Variants in SIN3B observed in about 807,000 individuals in gnomAD.
SIN3B encodes SIN3 transcription regulator family member B, also known as paired amphipathic helix protein Sin3b.
In SIN3B, 19 loss-of-function variants were observed where a neutral mutation model predicts 120.2. The ratio of observed to expected loss-of-function variants is 0.16; its 90% CI spans 0.11 to 0.23. The LOEUF (loss-of-function observed/expected upper bound fraction) is 0.23, where lower values mean the gene tolerates loss of function less well. SIN3B is among the 10% of genes least tolerant of loss of function. The pLI is 1.00. For missense variants in SIN3B, 1,073 were observed against 1,573.0 expected (o/e 0.68, Z 5.38); for synonymous variants, 654 against 653.2 (o/e 1.00, Z -0.02).
chr19:16,877,681 G>A, intron 17 of SIN3B, 42 bp downstream of exon 17: 1 of 1,392,130 alleles, frequency 7.2e-7, no homozygotes, highest in African/African-American at 1.4e-5. Context: ...TTCCTTCCTG[G>A]GCCCAGGGAG....
rs767882767 is a variant in SIN3B at position 16,847,050 on chromosome 19, C to T, written c.663C>T (p.Phe221=). 1.9e-6 allele frequency: 3 copies of T among 1,614,058 alleles called. No individual in the cohort carries two copies. The African/African-American group carries it at 4.0e-5, about 22-fold the overall frequency. Residue 221 remains phenylalanine (F), a synonymous_variant, in exon 5 of 19, where the codon TTC becomes TTT. Transcript: ENST00000248054. ...EEVFTEVANL[F]RGQEDLLSEF... ...TGTTCACCGAGGTGGCCAACCTCTT[C>T]CGGGGCCAGGAGGACCTGCTCTCAG...
intron 10 of SIN3B, among the ~76,000 whole-genome samples, chr19:16,864,782 G>A (rs12972762): frequency 6.6e-6 from 1 of 151,092 alleles, no homozygotes; most frequent in Non-Finnish European, 1.5e-5. Context: ...CTTGAGGCCA[G>A]GAGTTCAAGA....
rs944128563 is a variant in SIN3B at position 16,829,420 on chromosome 19, C to T, written c.-1C>T. 1 of 1,205,354 alleles carries T rather than the reference C, an allele frequency of 8.3e-7. No individual in the cohort carries two copies. The highest frequency in any genetic ancestry group is 4.2e-5 in the South Asian group (1 of 24,072). 74.7% of individuals were successfully genotyped at this position (1,205,354 alleles called of 1,614,324 possible). ...GGCGGGGCGCAGCTCCGACTTCGGACATGGCGCACGCTGGCGGTGGCAGCG... is the reference window on the plus strand; with the variant it reads ...GGCGGGGCGCAGCTCCGACTTCGGATATGGCGCACGCTGGCGGTGGCAGCG... On this transcript the variant is annotated 5_prime_UTR_variant, in exon 1 of 19. Transcript: ENST00000248054.
intron 5 of SIN3B, among the ~76,000 whole-genome samples, chr19:16,850,912 G>C (rs149953122): frequency 2.6e-5 from 4 of 152,310 alleles, no homozygotes; most frequent in Non-Finnish European, 4.4e-5. Flanking sequence ...AGCAAGTGAC[G>C]ACATCATCCC....
At chr19:16,848,215 T>G (rs569589561) in intron 5 of SIN3B, among the ~76,000 whole-genome samples, 1 of 152,338 alleles carries the variant, frequency 6.6e-6, no homozygotes, top group South Asian at 2.1e-4. Context: ...CATCAACATT[T>G]ATTGCACGGA....
intron 12 of SIN3B, among the ~76,000 whole-genome samples, chr19:16,867,643 C>T (rs1251746903): frequency 6.6e-6 from 1 of 152,204 alleles, no homozygotes; most frequent in Non-Finnish European, 1.5e-5. Context: ...TGTTGCCTCA[C>T]CTGATTTGGT....
At position 16,865,670 on chromosome 19, in the gene SIN3B, T is replaced by TC; in HGVS notation, c.1622+25dup. On this transcript the variant is annotated intron_variant, in intron 11 of 18. Transcript: ENST00000248054. ...AAAGGTGCCCTGTGGCGTCCCGACT[T>TC]CCCTTCCCCTTCCCCTTCCCCCTTC... 5 of 1,503,742 alleles carry TC rather than the reference T, an allele frequency of 3.3e-6. No homozygotes were observed. The African/African-American group carries it at 4.1e-5, about 12-fold the overall frequency. 93.1% of individuals were successfully genotyped at this position (1,503,742 alleles called of 1,614,324 possible). A position where few individuals can be genotyped will look rare whatever the true frequency, so the allele number is the denominator to read the frequency against.
In SIN3B at chr19:16,876,829, G is replaced by A. The variant is rs1424926019; in HGVS notation, c.2859+251G>A. ...CAAGCGGTTGTGTCCCAGGGCAGGA[G>A]GGGAACCAAGCCACCTCTCCCTGGC... On this transcript the variant is annotated intron_variant, in intron 16 of 18. Transcript: ENST00000248054. This position sits in a 1 kb window ranked among gnomAD's most constrained non-coding sequence, Gnocchi z 7.1. 2 of 439,590 alleles carry A rather than the reference G, an allele frequency of 4.5e-6. No individual in the cohort carries two copies. Among genetic ancestry groups the A allele is most frequent in the African/African-American group, 2.0e-5 (1 of 49,276 alleles). 27.2% of individuals were successfully genotyped at this position (439,590 alleles called of 1,614,324 possible).
chr19:16,857,517 A>ATGTG (rs72233219), intron 8 of SIN3B, among the ~76,000 whole-genome samples: 3,261 of 93,436 alleles, frequency 0.035, 56 homozygotes, highest in South Asian at 0.089. Context: ...TAAAAAAAAT[A>ATGTG]TGTGTGTGTG....
intron 8 of SIN3B, among the ~76,000 whole-genome samples, chr19:16,859,501 C>T (rs893565431): frequency 2.0e-5 from 3 of 152,216 alleles, no homozygotes; most frequent in African/African-American, 7.2e-5. Context: ...CCTGAGTCTG[C>T]GACCCTCATG....
chr19:16,870,523 T>C lies in SIN3B; in HGVS notation c.2422+448T>C, dbSNP rs187112443. 5.3e-5 allele frequency among the ~76,000 whole-genome samples: 8 copies of C among 152,282 alleles called. No homozygotes were observed. In the East Asian group the frequency reaches 1.5e-3, roughly 29 times the overall value. On this transcript the variant is annotated intron_variant, in intron 13 of 18. Coordinates refer to ENST00000248054, the MANE Select transcript of SIN3B (RefSeq NM_001297595.2). Reference sequence around the variant, plus strand: ...CCTTAGCCTCCCAAGTAGCTGGGATTACAGGCGCTCACCACCATGCCTGGC... The same window carrying C: ...CCTTAGCCTCCCAAGTAGCTGGGATCACAGGCGCTCACCACCATGCCTGGC...
intron 6 of SIN3B, among the ~76,000 whole-genome samples, chr19:16,852,111 C>T (rs534406986): frequency 1.3e-5 from 2 of 152,218 alleles, no homozygotes; most frequent in South Asian, 4.1e-4. Flanking sequence ...CAGCGGGGTC[C>T]CTTTGGCTCT....
At position 16,869,573 on chromosome 19, in the gene SIN3B, C is replaced by T. The variant is rs765400539; in HGVS notation, c.1920C>T (p.Tyr640=). 1.6e-5 allele frequency: 26 copies of T among 1,613,672 alleles called. No homozygotes were observed. Among genetic ancestry groups the T allele is most frequent in the South Asian group, 1.3e-4 (12 of 91,092 alleles). ...LEDAAALISY[Y]VKRQPAIQKE... Reference sequence around the variant, plus strand: ...ACGCAGCAGCGCTCATCAGCTACTACGTGAAGCGGCAGCCGGCCATCCAGA... The same window carrying T: ...ACGCAGCAGCGCTCATCAGCTACTATGTGAAGCGGCAGCCGGCCATCCAGA... The change falls in exon 13 of 19, where the codon TAC becomes TAT. Residue 640 remains tyrosine (Y), a synonymous_variant. Transcript: ENST00000248054.
intron 14 of SIN3B, 140 bp from the exon 15 acceptor site, chr19:16,875,915 C>A: frequency 4.8e-6 from 5 of 1,051,718 alleles, no homozygotes; most frequent in Non-Finnish European, 6.7e-6. Context: ...CACAGCCTGT[C>A]AGGATTCTGG....
At chr19:16,843,869 G>A (rs1971449260) in intron 4 of SIN3B, among the ~76,000 whole-genome samples, 1 of 151,732 alleles carries the variant, frequency 6.6e-6, no homozygotes, top group African/African-American at 2.4e-5. Context: ...TTATTTTTTT[G>A]AGACTGGGTC....
At chr19:16,846,847 C>T (rs780087345) in intron 4 of SIN3B, 123 bp from the exon 5 acceptor site, 100 of 1,042,766 alleles carry the variant, frequency 9.6e-5, no homozygotes, top group Non-Finnish European at 4.5e-5. Context: ...CAGGACCCTG[C>T]GGGCAGGTGC....
chr19:16,841,135 T>A (rs1971411878), intron 3 of SIN3B, among the ~76,000 whole-genome samples: 1 of 152,102 alleles, frequency 6.6e-6, no homozygotes, highest in Non-Finnish European at 1.5e-5. Flanking sequence ...AGCTTCTTTC[T>A]ATTTTTGCTC....
Position 16,869,631 on chromosome 19 carries a change from C to T in SIN3B, c.1978C>T (p.His660Tyr), listed in dbSNP as rs1174020181. 1.2e-6 allele frequency: 2 copies of T among 1,613,614 alleles called. No individual in the cohort carries two copies. Among genetic ancestry groups the T allele is most frequent in the Non-Finnish European group, 1.7e-6 (2 of 1,180,028 alleles). The change falls in exon 13 of 19, where the codon CAC becomes TAC. Residue 660 changes from histidine to tyrosine, a missense_variant. Coordinates refer to ENST00000248054, the MANE Select transcript of SIN3B (RefSeq NM_001297595.2). ...EDQGTIHQLL[H>Y]QFVPSLFFSQ... ...CCAGGGCACCATCCACCAGCTGCTGCACCAGTTCGTGCCCAGCCTCTTCTT... is the reference window on the plus strand; with the variant it reads ...CCAGGGCACCATCCACCAGCTGCTGTACCAGTTCGTGCCCAGCCTCTTCTT...
chr19:16,877,190 GTC>G (rs2051619536), intron 16 of SIN3B: 1 of 293,192 alleles, frequency 3.4e-6, no homozygotes, highest in East Asian at 7.8e-5. Context: ...AACAACAGAA[GTC>G]TATTCCCTCA....
Sources: gnomAD v4.1 joint callset for allele counts (sites outside exome capture counted in the v4.1 genomes callset) on GRCh38, gnomAD v4.1.1 for gene constraint, Gnocchi (gnomAD v3.1) non-coding constraint, MANE v1.5 for transcripts, NCBI Gene and HGNC (gene_info 2026-07-23, HGNC 2026-07-21) for gene names.